Variants in PPP1R42 observed in about 807,000 individuals in gnomAD.
PPP1R42 encodes leucine rich repeat containing 67.
PPP1R42 carries 34 observed loss-of-function variants against 31.0 expected under a neutral mutation model. That is an observed-to-expected ratio of 1.10 (90% confidence interval 0.83 to 1.46). The LOEUF (loss-of-function observed/expected upper bound fraction) is 1.46. PPP1R42 is among the 40% of genes most tolerant of loss of function. The pLI is 0.00. For synonymous variants in PPP1R42, 103 were observed against 109.8 expected, an observed-to-expected ratio of 0.94 and a Z score of 0.39; for missense variants, 268 against 303.0, an observed-to-expected ratio of 0.88 and a Z score of 0.86.
At chr8:66,975,185 G>A (rs922076623) in intron 7 of PPP1R42, among the ~76,000 whole-genome samples, 1 of 152,114 alleles carries the variant, frequency 6.6e-6, no homozygotes, top group Non-Finnish European at 1.5e-5. Context: ...CATTGCAGAA[G>A]ATGTCTTAAT....
At chr8:67,021,746 G>A (rs73691184) in intron 1 of PPP1R42, among the ~76,000 whole-genome samples, 2,375 of 152,058 alleles carry the variant, frequency 0.016, 55 homozygotes, top group African/African-American at 0.053. Flanking sequence ...TACTACAGAT[G>A]TATGTATACC....
At chr8:67,020,193 T>G (rs984467896) in intron 1 of PPP1R42, among the ~76,000 whole-genome samples, 23 of 151,786 alleles carry the variant, frequency 1.5e-4, no homozygotes, top group African/African-American at 4.1e-4. Flanking sequence ...GTGTTTTGTT[T>G]TTGTTGTTGT....
intron 6 of PPP1R42, chr8:66,985,833 C>CT: frequency 8.2e-7 from 1 of 1,222,340 alleles, no homozygotes; most frequent in Non-Finnish European, 1.2e-6. Context: ...TGCCAGGACT[C>CT]TGATGGAGGC....
intron 5 of PPP1R42, among the ~76,000 whole-genome samples, chr8:66,993,155 C>T (rs1815240448): frequency 6.6e-6 from 1 of 152,192 alleles, no homozygotes; most frequent in Admixed American, 6.5e-5. Flanking sequence ...CTATATCCAA[C>T]TCACAACCAA....
intron 5 of PPP1R42, among the ~76,000 whole-genome samples, chr8:67,003,461 C>T (rs1247175629): frequency 7.1e-6 from 1 of 141,488 alleles, no homozygotes; most frequent in Non-Finnish European, 1.5e-5. Flanking sequence ...GTTTGCTGTT[C>T]CTCTCCCTGC....
intron 5 of PPP1R42, among the ~76,000 whole-genome samples, chr8:66,997,717 A>T (rs11988465): frequency 0.12 from 17,942 of 149,456 alleles, 2,026 homozygotes; most frequent in African/African-American, 0.3. Context: ...ATTTTTTTTA[A>T]AAAAAAAAAC....
rs897071356 is a variant in PPP1R42, at chr8:67,017,561, A to C, written c.129+58T>G. ...AAATATTAGGTATGCTCCCAAACCA[A>C]TTCCTAAATTTTACATTATTAATTA... On this transcript the variant is annotated intron_variant, in intron 2 of 7. Transcript: ENST00000685739. 4 of 1,012,808 alleles carry C rather than the reference A, an allele frequency of 3.9e-6. No homozygotes were observed. In the African/African-American group the frequency reaches 6.7e-5, roughly 17 times the overall value. 62.7% of individuals were successfully genotyped at this position (1,012,808 alleles called of 1,614,324 possible).
intron 6 of PPP1R42, among the ~76,000 whole-genome samples, chr8:66,982,431 G>T (rs1814869378): frequency 6.6e-6 from 1 of 151,900 alleles, no homozygotes. Context: ...ACATTAAAAG[G>T]CTCTGTAATT....
chr8:67,014,186 T>C (rs1468460240), intron 3 of PPP1R42, among the ~76,000 whole-genome samples: 1 of 152,148 alleles, frequency 6.6e-6, no homozygotes, highest in Non-Finnish European at 1.5e-5. Context: ...ATTAATATTA[T>C]ATGTGAAACA....
chr8:66,975,348 C>T (rs114151039), intron 7 of PPP1R42, among the ~76,000 whole-genome samples: 1,663 of 152,036 alleles, frequency 0.011, 30 homozygotes, highest in African/African-American at 0.038. Flanking sequence ...ATCTATATGA[C>T]TTTAAACATT....
At chr8:67,018,028 G>A (rs1388293715) in intron 1 of PPP1R42, among the ~76,000 whole-genome samples, 197 bp from the exon 2 acceptor site, 1 of 151,948 alleles carries the variant, frequency 6.6e-6, no homozygotes, top group African/African-American at 2.4e-5. Context: ...AAAATTAAAC[G>A]CACAATACTC....
chr8:66,983,547 A>G lies in PPP1R42; in HGVS notation c.671-1367T>C, dbSNP rs150054385. On this transcript the variant is annotated intron_variant, in intron 6 of 7. Coordinates refer to ENST00000685739, the MANE Select transcript of PPP1R42 (RefSeq NM_001364910.1). ...TATGTATAGTAGTTTTGAAAATTAG[A>G]TAGTTTCTCTCATTATCCATGTAAT... Among the ~76,000 whole-genome samples the G allele has an allele frequency of 4.4e-3, 674 of 152,238 alleles. 9 individuals are homozygous for G. The highest frequency in any genetic ancestry group is 0.015 in the African/African-American group (639 of 41,540).
intron 5 of PPP1R42, among the ~76,000 whole-genome samples, chr8:67,009,032 A>T: frequency 6.6e-6 from 1 of 151,904 alleles, no homozygotes; most frequent in South Asian, 2.1e-4. Flanking sequence ...GCACTTTGGG[A>T]GGCTGAGGCG....
intron 6 of PPP1R42, among the ~76,000 whole-genome samples, chr8:66,987,484 G>T (rs1208135884): frequency 2.6e-5 from 4 of 151,820 alleles, no homozygotes; most frequent in African/African-American, 9.7e-5. Flanking sequence ...TAAAGATGGG[G>T]TTTCACCGTG....
intron 5 of PPP1R42, among the ~76,000 whole-genome samples, chr8:66,999,193 G>T (rs28803583): frequency 0.021 from 3,120 of 151,932 alleles, 52 homozygotes; most frequent in Non-Finnish European, 0.034. Context: ...GTGTAGCTGG[G>T]ACTACAGATG....
chr8:67,011,362 C>T lies in PPP1R42; in HGVS notation c.436-531G>A, dbSNP rs558883713. Among the ~76,000 whole-genome samples the T allele has an allele frequency of 1.1e-4, 16 of 152,248 alleles. No individual in the cohort carries two copies. The East Asian group carries it at 2.5e-3, about 24-fold the overall frequency. On this transcript the variant is annotated intron_variant, in intron 4 of 7. Coordinates refer to ENST00000685739, the MANE Select transcript of PPP1R42 (RefSeq NM_001364910.1). Reference sequence around the variant, plus strand: ...CCAACATGGTGAAACCCCATCTCTACTAAAAATACAAAAAATTAGCTGGGC... The same window carrying T: ...CCAACATGGTGAAACCCCATCTCTATTAAAAATACAAAAAATTAGCTGGGC...
intron 4 of PPP1R42, 155 bp downstream of exon 4, chr8:67,012,803 G>T (rs1815883257): frequency 1.8e-6 from 1 of 561,344 alleles, no homozygotes; most frequent in Non-Finnish European, 2.8e-6. Flanking sequence ...GATTGTACAT[G>T]AGAAAATCAG....
chr8:67,023,971 C>T (rs1186151324), intron 1 of PPP1R42, among the ~76,000 whole-genome samples: 2 of 151,726 alleles, frequency 1.3e-5, no homozygotes, highest in South Asian at 2.1e-4. Flanking sequence ...GGTGAAAACC[C>T]GTCTCTACTA....
chr8:66,986,059 C>A (rs1815000412), intron 6 of PPP1R42: 1 of 743,686 alleles, frequency 1.3e-6, no homozygotes, highest in Non-Finnish European at 2.5e-6. Flanking sequence ...GTAGAATCAT[C>A]AAGAAAAGGT....
Sources: gnomAD v4.1 joint callset for allele counts (sites outside exome capture counted in the v4.1 genomes callset) on GRCh38, gnomAD v4.1.1 for gene constraint, MANE v1.5 for transcripts, NCBI Gene and HGNC (gene_info 2026-07-23, HGNC 2026-07-21) for gene names.